Variants in ANO4 observed in about 807,000 individuals in gnomAD.
ANO4 encodes the protein anoctamin 4, also known as anoctamin-4.
A neutral mutation model predicts 141.9 loss-of-function variants in ANO4; 69 were observed. That is an observed-to-expected ratio of 0.49 (90% CI 0.40 to 0.59). ANO4 has a LOEUF of 0.59. Among genes scored for constraint, ANO4 ranks in the 20% least tolerant of loss-of-function variants. ANO4 has a pLI of 0.00. For synonymous variants in ANO4, 350 were observed against 394.3 expected (o/e 0.89, Z 1.33); for missense variants, 894 against 1,162.2 (o/e 0.77, Z 3.36).
chr12:100,936,793 G>T (rs1451533941), intron 3 of ANO4, among the ~76,000 whole-genome samples: 1 of 152,028 alleles, frequency 6.6e-6, no homozygotes, highest in Non-Finnish European at 1.5e-5. Flanking sequence ...ATTTGTTGTG[G>T]GTCTGCCATG....
At chr12:100,923,247 A>C (rs771487896) in intron 3 of ANO4, among the ~76,000 whole-genome samples, 1 of 152,012 alleles carries the variant, frequency 6.6e-6, no homozygotes, top group Non-Finnish European at 1.5e-5. Flanking sequence ...TCAACTCGTC[A>C]TTTATATTAG....
At chr12:101,001,965 G>A (rs551692376) in intron 8 of ANO4, among the ~76,000 whole-genome samples, 4 of 152,186 alleles carry the variant, frequency 2.6e-5, no homozygotes, top group African/African-American at 9.6e-5. Context: ...CCATCAGTTT[G>A]GTGTTTCCCA....
Position 100,942,542 on chromosome 12 carries a change from A to G in ANO4, c.456+7A>G. 1 of 1,610,482 alleles carries G rather than the reference A, an allele frequency of 6.2e-7. No homozygotes were observed. Among genetic ancestry groups the G allele is most frequent in the Non-Finnish European group, 8.5e-7 (1 of 1,179,022 alleles). ...ATTGCAAATGGAGAAAGAGGTAAATAGTTTGCTTGGATGAGAAAAAAATAT... is the reference window on the plus strand; with the variant it reads ...ATTGCAAATGGAGAAAGAGGTAAATGGTTTGCTTGGATGAGAAAAAAATAT... On this transcript the variant is annotated splice_region_variant and intron_variant, in intron 5 of 27. Coordinates refer to ENST00000392977, the MANE Select transcript of ANO4 (RefSeq NM_001286615.2).
At position 100,865,936 on chromosome 12, in the gene ANO4, A is replaced by G. The variant is rs142780853; in HGVS notation, c.-140-35710A>G. 3.0e-3 allele frequency among the ~76,000 whole-genome samples: 460 copies of G among 152,250 alleles called. 4 individuals are homozygous for G. The highest frequency in any genetic ancestry group is 0.01 in the African/African-American group (426 of 41,558). The stretch of plus-strand genomic sequence containing the variant: ...GGGGAGACACAGCCAGCTGTGGATG[A>G]TTTCATAGGAAAGCCACTGGGGTAG... On this transcript the variant is annotated intron_variant, in intron 1 of 27. Transcript: ENST00000392977.
At chr12:101,115,168 A>G (rs2050805759) in intron 24 of ANO4, among the ~76,000 whole-genome samples, 1 of 152,222 alleles carries the variant, frequency 6.6e-6, no homozygotes, top group Non-Finnish European at 1.5e-5. Context: ...CAAGAAATAA[A>G]TAAAATGAAT....
intron 2 of ANO4, among the ~76,000 whole-genome samples, chr12:100,920,466 T>C (rs1338428779): frequency 6.9e-6 from 1 of 145,220 alleles, no homozygotes; most frequent in Non-Finnish European, 1.5e-5. Context: ...GGCCATCAAA[T>C]AGAACAAAGC....
intron 13 of ANO4, among the ~76,000 whole-genome samples, chr12:101,044,021 A>G (rs2047524534): frequency 1.3e-5 from 2 of 152,196 alleles, no homozygotes; most frequent in Non-Finnish European, 2.9e-5. Context: ...ACACGGAGTT[A>G]AGGTGTATAC....
intron 8 of ANO4, among the ~76,000 whole-genome samples, chr12:101,000,573 T>G (rs1048561358): frequency 1.3e-5 from 2 of 152,212 alleles, no homozygotes; most frequent in Non-Finnish European, 2.9e-5. Flanking sequence ...CTTATTTTAT[T>G]GCAGTTACTT....
At chr12:100,950,279 T>A (rs2042916562) in intron 5 of ANO4, among the ~76,000 whole-genome samples, 1 of 152,150 alleles carries the variant, frequency 6.6e-6, no homozygotes, top group African/African-American at 2.4e-5. Context: ...TAATCTCCAC[T>A]TTACTCCACT....
intron 3 of ANO4, among the ~76,000 whole-genome samples, chr12:100,777,690 T>C (rs749373273): frequency 6.6e-4 from 101 of 152,280 alleles, no homozygotes; most frequent in Middle Eastern, 6.8e-3. Flanking sequence ...GGAATTCAGA[T>C]TTATAAATTT....
chr12:101,066,680 C>A, intron 14 of ANO4: 1 of 649,106 alleles, frequency 1.5e-6, no homozygotes, highest in South Asian at 1.7e-5. Flanking sequence ...GGTCGGCGGC[C>A]TCCTCCTGGA....
At chr12:101,042,037 T>G (rs1335048258) in intron 11 of ANO4, among the ~76,000 whole-genome samples, 1 of 152,202 alleles carries the variant, frequency 6.6e-6, no homozygotes, top group Admixed American at 6.5e-5. Flanking sequence ...GCTGTGTGCC[T>G]GGTTGGTCTC....
At chr12:100,867,612 T>TCACACACA (rs35222532) in intron 1 of ANO4, among the ~76,000 whole-genome samples, 2 of 149,866 alleles carry the variant, frequency 1.3e-5, no homozygotes, top group African/African-American at 4.9e-5. Context: ...TCTCTCTCTC[T>TCACACACA]CACACACACA....
intron 1 of ANO4, among the ~76,000 whole-genome samples, chr12:100,813,927 C>A (rs1367330222): frequency 4.6e-5 from 7 of 152,060 alleles, no homozygotes; most frequent in Admixed American, 3.9e-4. Flanking sequence ...AATCTTTGGG[C>A]CATGCGTGAG....
intron 5 of ANO4, among the ~76,000 whole-genome samples, chr12:100,965,417 A>G (rs1041016652): frequency 5.3e-5 from 8 of 151,974 alleles, no homozygotes; most frequent in Non-Finnish European, 8.8e-5. Flanking sequence ...TCCCACTCCT[A>G]TGCTTCCTGT....
intron 1 of ANO4, among the ~76,000 whole-genome samples, chr12:100,828,834 A>G (rs1459733813): frequency 6.6e-6 from 1 of 152,040 alleles, no homozygotes; most frequent in Non-Finnish European, 1.5e-5. Flanking sequence ...CCTGGCCAAC[A>G]TGGTAAAACC....
intron 22 of ANO4, among the ~76,000 whole-genome samples, chr12:101,101,144 A>G (rs1288230227): frequency 6.6e-6 from 1 of 152,222 alleles, no homozygotes; most frequent in African/African-American, 2.4e-5. Context: ...CTAGATCAAG[A>G]AATAGAATAT....
intron 3 of ANO4, among the ~76,000 whole-genome samples, chr12:100,774,554 G>A: frequency 6.6e-6 from 1 of 152,218 alleles, no homozygotes; most frequent in Non-Finnish European, 1.5e-5. Flanking sequence ...CCAAGTAGAT[G>A]AAAAGACCTA....
rs766790643 is a variant in ANO4, at chr12:100,942,416, C to A, written c.337C>A (p.Arg113=). Residue 113 remains arginine (R), a synonymous_variant, in exon 5 of 28, where the codon CGA becomes AGA. Transcript: ENST00000392977. ...AAACAAATCAAATGGACTTTACTTT[C>A]GAGATGGAAAGTGTCGAATTGACTA... The part of the protein sequence containing the change: ...ERNKSNGLYF[R]DGKCRIDYIL... 1.2e-6 allele frequency: 2 copies of A among 1,613,850 alleles called. No homozygotes were observed. Among genetic ancestry groups the A allele is most frequent in the African/African-American group, 2.7e-5 (2 of 74,898 alleles).
Sources: gnomAD v4.1 joint callset for allele counts (sites outside exome capture counted in the v4.1 genomes callset) on GRCh38, gnomAD v4.1.1 for gene constraint, MANE v1.5 for transcripts, NCBI Gene and HGNC (gene_info 2026-07-23, HGNC 2026-07-21) for gene names.